The following ANO2 variants were observed in gnomAD, a reference collection of about 807,000 sequenced individuals.
ANO2 encodes the protein anoctamin 2, also known as anoctamin-2.
A neutral mutation model predicts 124.2 loss-of-function variants in ANO2; 101 were observed. The observed-to-expected ratio is 0.81, with a 90% CI of 0.69 to 0.96. The LOEUF (loss-of-function observed/expected upper bound fraction) is 0.96, where lower values mean the gene tolerates loss of function less well. ANO2 is among the 40% of genes least tolerant of loss of function. The pLI, the probability that ANO2 is intolerant of heterozygous loss-of-function variation, is 0.00. For missense variants in ANO2, 1,293 were observed against 1,274.5 expected, an observed-to-expected ratio of 1.01 and a Z score of -0.22; for synonymous variants, 486 against 482.5, an observed-to-expected ratio of 1.01 and a Z score of -0.09.
At chr12:5,664,368 CATCCATCCATCCATTCATATACCCATCT>C (rs1270594608) in intron 14 of ANO2, among the ~76,000 whole-genome samples, 21 of 152,264 alleles carry the variant, frequency 1.4e-4, no homozygotes, top group African/African-American at 4.8e-4. Context: ...GGCATCCATC[CATCCATCCATCCATTCATATACCCATCT>C]ATCCATCCAT....
At chr12:5,722,513 A>G (rs1486542023) in intron 14 of ANO2, among the ~76,000 whole-genome samples, 1 of 152,182 alleles carries the variant, frequency 6.6e-6, no homozygotes, top group Non-Finnish European at 1.5e-5. Context: ...TCAAAAAAAT[A>G]AAAAATAAAA....
intron 7 of ANO2, among the ~76,000 whole-genome samples, chr12:5,821,548 T>A (rs1425379214): frequency 6.6e-6 from 1 of 152,206 alleles, no homozygotes; most frequent in Non-Finnish European, 1.5e-5. Context: ...GAGGTGTCAG[T>A]CACAGATAGG....
chr12:5,798,800 T>G (rs1228431994), intron 10 of ANO2, among the ~76,000 whole-genome samples: 3 of 152,240 alleles, frequency 2.0e-5, no homozygotes, highest in Non-Finnish European at 2.9e-5. Flanking sequence ...GTCTCCAGAC[T>G]CTCAGCCCAG....
Position 5,793,663 on chromosome 12 carries a change from A to G in ANO2, c.1055+5844T>C, listed in dbSNP as rs538538129. On this transcript the variant is annotated intron_variant, in intron 10 of 24. Transcript: ENST00000682330. ...GCCTCTTGGTGCCTTGGGATCCACCATCCATACCATGTGGCTGATAAGACA... is the reference window on the plus strand; with the variant it reads ...GCCTCTTGGTGCCTTGGGATCCACCGTCCATACCATGTGGCTGATAAGACA... Among the ~76,000 whole-genome samples the G allele has an allele frequency of 1.8e-4, 27 of 152,334 alleles. No individual in the cohort carries two copies. In the East Asian group the frequency reaches 4.0e-3, roughly 23 times the overall value.
At chr12:5,625,039 G>A (rs2110168) in intron 16 of ANO2, among the ~76,000 whole-genome samples, 43,392 of 152,166 alleles carry the variant, frequency 0.29, 7,378 homozygotes, top group East Asian at 0.48. Context: ...CCTGGTGGAA[G>A]TACTGGGAGG....
At chr12:5,928,008 G>T (rs1291133149) in intron 1 of ANO2, among the ~76,000 whole-genome samples, 1 of 152,190 alleles carries the variant, frequency 6.6e-6, no homozygotes, top group East Asian at 1.9e-4. Context: ...AAGGAGACCA[G>T]GAGACACAGT....
intron 3 of ANO2, among the ~76,000 whole-genome samples, chr12:5,897,056 C>T (rs964336250): frequency 1.3e-5 from 2 of 152,022 alleles, no homozygotes; most frequent in Non-Finnish European, 2.9e-5. Context: ...TTAAATCTCC[C>T]TTTTTTGAAG....
chr12:5,732,993 G>T, intron 13 of ANO2: 1 of 1,193,624 alleles, frequency 8.4e-7, no homozygotes, highest in Non-Finnish European at 1.2e-6. Flanking sequence ...GATATCCCTG[G>T]TCATCCCACC....
intron 7 of ANO2, among the ~76,000 whole-genome samples, chr12:5,809,008 G>A (rs1385658435): frequency 6.6e-6 from 1 of 152,192 alleles, no homozygotes; most frequent in East Asian, 1.9e-4. Flanking sequence ...TGAAAGCTAA[G>A]TGTTTTGGTA....
intron 10 of ANO2, among the ~76,000 whole-genome samples, chr12:5,785,458 C>G (rs1952513684): frequency 2.0e-5 from 3 of 152,126 alleles, no homozygotes; most frequent in Non-Finnish European, 4.4e-5. Flanking sequence ...GTCCTGCAAG[C>G]CCATGCTGGA....
At chr12:5,846,011 A>G (rs1190844811) in intron 4 of ANO2, among the ~76,000 whole-genome samples, 1 of 152,244 alleles carries the variant, frequency 6.6e-6, no homozygotes, top group Non-Finnish European at 1.5e-5. Flanking sequence ...TTTGAGTGGC[A>G]TAATTCAAAG....
chr12:5,852,182 C>G (rs534361219), intron 4 of ANO2, among the ~76,000 whole-genome samples: 6 of 152,144 alleles, frequency 3.9e-5, no homozygotes, highest in African/African-American at 1.4e-4. Context: ...ATCATGTTGC[C>G]AGGAACTCCA....
intron 10 of ANO2, among the ~76,000 whole-genome samples, chr12:5,751,856 T>C (rs1391765414): frequency 1.3e-5 from 2 of 152,176 alleles, no homozygotes; most frequent in Non-Finnish European, 2.9e-5. Flanking sequence ...TGAAATTTTG[T>C]ACCTTTTGAC....
intron 14 of ANO2, among the ~76,000 whole-genome samples, chr12:5,700,183 G>A (rs541637416): frequency 6.6e-6 from 1 of 152,142 alleles, no homozygotes; most frequent in Non-Finnish European, 1.5e-5. Flanking sequence ...TGACCACATA[G>A]TTGGAAGTAA....
chr12:5,930,542 C>T (rs1014021951), intron 1 of ANO2, among the ~76,000 whole-genome samples: 4 of 152,122 alleles, frequency 2.6e-5, no homozygotes, highest in Admixed American at 2.0e-4. Flanking sequence ...CATGGTCCTG[C>T]TGAAGGCATG....
At chr12:5,703,546 A>T (rs1043866915) in intron 14 of ANO2, among the ~76,000 whole-genome samples, 19 of 151,738 alleles carry the variant, frequency 1.3e-4, no homozygotes, top group Admixed American at 9.8e-4. Context: ...TTTTATTTTT[A>T]TTTTTTTTGA....
intron 16 of ANO2, among the ~76,000 whole-genome samples, chr12:5,618,323 C>T (rs1944939871): frequency 6.6e-6 from 1 of 152,180 alleles, no homozygotes; most frequent in African/African-American, 2.4e-5. Flanking sequence ...CTGAAGGTCA[C>T]CTCCAGCGTG....
At chr12:5,584,504 C>G (rs1402785259) in intron 20 of ANO2, among the ~76,000 whole-genome samples, 1 of 152,220 alleles carries the variant, frequency 6.6e-6, no homozygotes, top group Non-Finnish European at 1.5e-5. Flanking sequence ...GAAGGACACA[C>G]TGGTATGAGC....
At chr12:5,664,996 C>T (rs183621988) in intron 14 of ANO2, among the ~76,000 whole-genome samples, 1 of 152,282 alleles carries the variant, frequency 6.6e-6, no homozygotes, top group East Asian at 1.9e-4. Context: ...AGGACAAGGA[C>T]TTCTGTCCCT....
Sources: gnomAD v4.1 joint callset for allele counts (sites outside exome capture counted in the v4.1 genomes callset) on GRCh38, gnomAD v4.1.1 for gene constraint, MANE v1.5 for transcripts, NCBI Gene and HGNC (gene_info 2026-07-23, HGNC 2026-07-21) for gene names.